Variants in COL27A1 observed in about 807,000 individuals in gnomAD.
COL27A1 encodes the protein collagen type XXVII alpha 1 chain.
Under a neutral mutation model 251.3 loss-of-function variants are expected in COL27A1, and 106 were observed. The observed-to-expected ratio is 0.42, with a 90% confidence interval of 0.36 to 0.50. The LOEUF is 0.50. Ranked by LOEUF, COL27A1 falls within the 20% of genes least tolerant of loss-of-function variation. The probability of loss-of-function intolerance (pLI) is 0.00; values close to 1 mark genes in which losing one functional copy is unlikely to be tolerated. For synonymous variants in COL27A1, 1,000 were observed against 986.3 expected, an observed-to-expected ratio of 1.01 and a Z score of -0.26; for missense variants, 2,325 against 2,522.8, an observed-to-expected ratio of 0.92 and a Z score of 1.68.
chr9:114,199,782 G>A (rs1279123373), intron 7 of COL27A1, among the ~76,000 whole-genome samples: 2 of 152,120 alleles, frequency 1.3e-5, no homozygotes, highest in African/African-American at 4.8e-5. Flanking sequence ...TGTTTCCCAC[G>A]TGGGGCTTAG....
chr9:114,164,045 G>A (rs1231224835), intron 2 of COL27A1, among the ~76,000 whole-genome samples: 4 of 152,076 alleles, frequency 2.6e-5, no homozygotes, highest in Non-Finnish European at 5.9e-5. Flanking sequence ...AGCCTGGGAG[G>A]CCCCAGGCAG....
At chr9:114,255,085 G>T (rs1833831784) in intron 27 of COL27A1, among the ~76,000 whole-genome samples, 1 of 152,184 alleles carries the variant, frequency 6.6e-6, no homozygotes. Flanking sequence ...GAGCACAGTT[G>T]GAAGCAGAAG....
chr9:114,181,083 G>A (rs1293606673), intron 4 of COL27A1, among the ~76,000 whole-genome samples: 2 of 152,186 alleles, frequency 1.3e-5, no homozygotes, highest in African/African-American at 4.8e-5. Context: ...CCACAAGCCT[G>A]GGCTGGGGTG....
At chr9:114,219,652 A>G in intron 12 of COL27A1, 139 bp from the exon 13 acceptor site, 1 of 655,414 alleles carries the variant, frequency 1.5e-6, no homozygotes, top group South Asian at 1.8e-5. Flanking sequence ...TGACCTCAGG[A>G]CCGCACTGTC....
intron 6 of COL27A1, among the ~76,000 whole-genome samples, chr9:114,194,747 C>G (rs1828988972): frequency 6.6e-6 from 1 of 152,222 alleles, no homozygotes; most frequent in African/African-American, 2.4e-5. Context: ...GTCCTTTTGC[C>G]TAATGTCCTG....
chr9:114,278,304 GGTA>G (rs1215086047), intron 37 of COL27A1, among the ~76,000 whole-genome samples: 8 of 121,910 alleles, frequency 6.6e-5, no homozygotes, highest in Non-Finnish European at 1.0e-4. Flanking sequence ...TGGTAGTGGT[GGTA>G]GTGGTGACTG....
chr9:114,168,894 A>G lies in COL27A1; in HGVS notation c.1339A>G (p.Thr447Ala). 6.2e-7 allele frequency: 1 copy of G among 1,613,586 alleles called. No individual in the cohort carries two copies. Among genetic ancestry groups the G allele is most frequent in the Non-Finnish European group, 8.5e-7 (1 of 1,179,886 alleles). ...PPSTRPLPPT[T>A]SSSKKPIPTL... is the part of the protein sequence containing the mutation. ...CAGCACCCGGCCCCTACCTCCTACC[A>G]CCAGCTCCTCTAAAAAACCCATTCC... The change falls in exon 3 of 61, where the codon ACC becomes GCC. Residue 447 changes from threonine (T) to alanine (A), a missense_variant. By Grantham distance (58) the Thr-to-Ala change is moderately conservative. Around this residue, in one of 4 missense-constraint regions of COL27A1, gnomAD observed 1,183 missense variants for 1,144.1 expected, o/e 1.03. Coordinates refer to ENST00000356083, the MANE Select transcript of COL27A1 (RefSeq NM_032888.4).
At chr9:114,182,054 T>C (rs2135168478) in intron 4 of COL27A1, among the ~76,000 whole-genome samples, 1 of 152,096 alleles carries the variant, frequency 6.6e-6, no homozygotes, top group East Asian at 1.9e-4. Context: ...AAAGTCCAGT[T>C]GGGGCCAGCT....
intron 31 of COL27A1, 90 bp from the exon 32 acceptor site, chr9:114,265,332 C>A: frequency 7.2e-7 from 1 of 1,384,646 alleles, no homozygotes; most frequent in Non-Finnish European, 1.0e-6. Flanking sequence ...GAGGAGGGGA[C>A]CCAAATACAC....
At chr9:114,176,017 AGTCACACT>A (rs1451148604) in intron 3 of COL27A1, among the ~76,000 whole-genome samples, 9 of 152,194 alleles carry the variant, frequency 5.9e-5, no homozygotes, top group African/African-American at 2.2e-4. Flanking sequence ...ACCTAGTTAG[AGTCACACT>A]CAACCAAGAT....
At chr9:114,190,422 C>T (rs934529661) in intron 5 of COL27A1, among the ~76,000 whole-genome samples, 6 of 152,308 alleles carry the variant, frequency 3.9e-5, no homozygotes, top group African/African-American at 1.4e-4. Flanking sequence ...AGGTGTGCAC[C>T]ACCACACCCA....
At chr9:114,297,648 A>G (rs1211328133) in intron 49 of COL27A1, among the ~76,000 whole-genome samples, 3 of 152,224 alleles carry the variant, frequency 2.0e-5, no homozygotes, top group Non-Finnish European at 4.4e-5. Context: ...TGAAAACACA[A>G]CAAACTAGGA....
intron 37 of COL27A1, among the ~76,000 whole-genome samples, chr9:114,278,354 G>A (rs868285420): frequency 3.4e-5 from 5 of 146,192 alleles, no homozygotes; most frequent in South Asian, 2.3e-4. Flanking sequence ...TGCTGGTGGC[G>A]ATGGTGATAG....
At chr9:114,198,841 T>C (rs1829356596) in intron 7 of COL27A1, among the ~76,000 whole-genome samples, 1 of 152,194 alleles carries the variant, frequency 6.6e-6, no homozygotes, top group Non-Finnish European at 1.5e-5. Context: ...CCTCTCCTGC[T>C]GTGTGAGCTT....
chr9:114,248,033 T>C (rs539576886), intron 24 of COL27A1, among the ~76,000 whole-genome samples: 1 of 152,182 alleles, frequency 6.6e-6, no homozygotes, highest in Non-Finnish European at 1.5e-5. Context: ...ACTGTCCTCA[T>C]TTTGCAAATG....
At chr9:114,294,411 T>C (rs891773245) in intron 49 of COL27A1, among the ~76,000 whole-genome samples, 16 of 152,242 alleles carry the variant, frequency 1.1e-4, no homozygotes, top group African/African-American at 3.6e-4. Flanking sequence ...TACACCAATA[T>C]GCTTCATAAA....
intron 7 of COL27A1, among the ~76,000 whole-genome samples, chr9:114,202,700 C>T (rs1829661360): frequency 6.6e-6 from 1 of 152,126 alleles, no homozygotes; most frequent in African/African-American, 2.4e-5. Context: ...CCCTCCAAGC[C>T]ACTTGAGGGC....
chr9:114,225,138 A>AT (rs138565353), intron 14 of COL27A1, among the ~76,000 whole-genome samples: 2,168 of 152,318 alleles, frequency 0.014, 30 homozygotes, highest in Non-Finnish European at 0.023. Context: ...TGGCAACGCT[A>AT]TTTGCAGTGT....
chr9:114,255,431 C>T (rs1833857346), intron 27 of COL27A1, among the ~76,000 whole-genome samples: 1 of 152,212 alleles, frequency 6.6e-6, no homozygotes, highest in Non-Finnish European at 1.5e-5. Flanking sequence ...TGCACCTCAG[C>T]CGTCCTGGGC....
Sources: allele counts gnomAD v4.1 joint callset (sites outside exome capture counted in the v4.1 genomes callset), GRCh38; gene constraint gnomAD v4.1.1; regional missense constraint gnomAD v4.1.1; transcripts MANE v1.5; gene names NCBI Gene and HGNC (gene_info 2026-07-23, HGNC 2026-07-21).